The following PTPRN2 variants were observed in gnomAD, a reference collection of about 807,000 sequenced individuals.
PTPRN2 encodes receptor-type tyrosine-protein phosphatase N2.
PTPRN2 carries 74 observed loss-of-function variants against 118.8 expected under a neutral mutation model. The observed-to-expected ratio is 0.62, with a 90% CI of 0.52 to 0.76. PTPRN2 has a LOEUF of 0.76. Among genes scored for constraint, PTPRN2 ranks in the 30% least tolerant of loss-of-function variants. PTPRN2 has a pLI of 0.00. For missense variants in PTPRN2, 1,481 were observed against 1,394.4 expected (o/e 1.06, Z -0.99); for synonymous variants, 641 against 608.0 (o/e 1.05, Z -0.80).
At chr7:158,410,378 G>C (rs1386566580) in intron 2 of PTPRN2, among the ~76,000 whole-genome samples, 1 of 152,180 alleles carries the variant, frequency 6.6e-6, no homozygotes. Context: ...TCATCCCCGA[G>C]TACCCAGGTG....
intron 2 of PTPRN2, among the ~76,000 whole-genome samples, chr7:158,409,363 A>G (rs1213785962): frequency 4.6e-5 from 7 of 152,198 alleles, no homozygotes; most frequent in Non-Finnish European, 1.0e-4. Flanking sequence ...GGCAGTCCTC[A>G]GCTTAGGAGA....
chr7:157,656,051 C>T (rs1301117090), intron 14 of PTPRN2, among the ~76,000 whole-genome samples: 1 of 65,092 alleles, frequency 1.5e-5, no homozygotes, highest in Non-Finnish European at 3.9e-5. Flanking sequence ...TAGGCACTAA[C>T]AGACGTGTAT....
In PTPRN2 at chr7:157,611,738, G is replaced by A. The variant is rs1462523275; in HGVS notation, c.2345-7663C>T. 8.6e-5 allele frequency among the ~76,000 whole-genome samples: 13 copies of A among 150,688 alleles called. No homozygotes were observed. The South Asian group carries it at 1.1e-3, about 12-fold the overall frequency. ...AGCCGCGGTCATGCTGGGGACACGC[G>A]GAGGGAGCGCGCCCGTGTGAAGACG... On this transcript the variant is annotated intron_variant, in intron 15 of 22. Transcript: ENST00000389418. The surrounding 1 kb of genome is among the most constrained non-coding windows in gnomAD (Gnocchi z 5.9).
intron 2 of PTPRN2, among the ~76,000 whole-genome samples, chr7:158,429,299 C>T (rs955245678): frequency 9.8e-5 from 15 of 152,326 alleles, no homozygotes; most frequent in African/African-American, 3.1e-4. Context: ...TCCAGCAGAT[C>T]CACAGCCGGC....
chr7:158,548,246 T>C (rs1826426740), intron 1 of PTPRN2, among the ~76,000 whole-genome samples: 1 of 152,082 alleles, frequency 6.6e-6, no homozygotes, highest in Admixed American at 6.5e-5. Context: ...TGAAGAGGAG[T>C]GTGTGCAAAC....
intron 1 of PTPRN2, among the ~76,000 whole-genome samples, chr7:158,506,027 C>A (rs191486288): frequency 1.3e-5 from 2 of 152,332 alleles, no homozygotes; most frequent in African/African-American, 2.4e-5. Context: ...CTCAGGGCTG[C>A]AGAGGGTGAG....
At chr7:158,159,650 C>T (rs528368109) in intron 6 of PTPRN2, among the ~76,000 whole-genome samples, 139 of 140,868 alleles carry the variant, frequency 9.9e-4, no homozygotes, top group Non-Finnish European at 6.6e-4. Flanking sequence ...ACAGTGGACA[C>T]CCCACACATT....
intron 11 of PTPRN2, among the ~76,000 whole-genome samples, chr7:157,906,963 C>G (rs1188930862): frequency 6.6e-6 from 1 of 152,206 alleles, no homozygotes; most frequent in Non-Finnish European, 1.5e-5. Flanking sequence ...GTCTTCATTT[C>G]AGAACCAAAG....
At chr7:158,158,165 G>A (rs1334084390) in intron 6 of PTPRN2, among the ~76,000 whole-genome samples, 2 of 152,186 alleles carry the variant, frequency 1.3e-5, no homozygotes, top group Admixed American at 6.5e-5. Flanking sequence ...AAGGCAGCAG[G>A]TGCTTCCTTT....
chr7:157,670,632 C>T (rs1474349923), intron 13 of PTPRN2, among the ~76,000 whole-genome samples: 1 of 152,200 alleles, frequency 6.6e-6, no homozygotes, highest in Non-Finnish European at 1.5e-5. Context: ...TCCAGCCAGA[C>T]TGCCGTTGGT....
Position 157,603,555 on chromosome 7 carries a change from A to G in PTPRN2, c.2418+447T>C, listed in dbSNP as rs573345984. On this transcript the variant is annotated intron_variant, in intron 16 of 22. Transcript: ENST00000389418. This position sits in a 1 kb window ranked among gnomAD's most constrained non-coding sequence, Gnocchi z 5.4. The stretch of plus-strand genomic sequence containing the variant: ...AAACAGGGTCCCATTCACTGGAAAT[A>G]CTTCAGGAAAACGAACCTGAAATTC... 8.5e-5 allele frequency among the ~76,000 whole-genome samples: 13 copies of G among 152,344 alleles called. 1 individual carries two copies. The South Asian group carries it at 2.7e-3, about 32-fold the overall frequency.
intron 12 of PTPRN2, among the ~76,000 whole-genome samples, chr7:157,730,843 C>T (rs970457412): frequency 6.6e-6 from 1 of 152,172 alleles, no homozygotes; most frequent in Non-Finnish European, 1.5e-5. Context: ...AGGGCTCTGA[C>T]CTCGGCGTGG....
At chr7:158,136,767 G>A (rs1273627670) in intron 7 of PTPRN2, 72 bp from the exon 8 acceptor site, 3 of 1,481,516 alleles carry the variant, frequency 2.0e-6, no homozygotes, top group South Asian at 2.3e-5. Context: ...ACATAAAAAG[G>A]GTGACCCTGC....
intron 3 of PTPRN2, among the ~76,000 whole-genome samples, chr7:158,257,751 G>A (rs2150913929): frequency 6.6e-6 from 1 of 152,366 alleles, no homozygotes; most frequent in Admixed American, 6.5e-5. Flanking sequence ...CAGCCCCACG[G>A]CGCTGACCTG....
chr7:157,828,369 C>T (rs528863447), intron 12 of PTPRN2, among the ~76,000 whole-genome samples: 6 of 152,318 alleles, frequency 3.9e-5, no homozygotes, highest in East Asian at 3.9e-4. Flanking sequence ...AGCCCATGGA[C>T]GGAACAGCGA....
At chr7:157,654,404 T>A (rs1417282422) in intron 14 of PTPRN2, among the ~76,000 whole-genome samples, 1 of 152,132 alleles carries the variant, frequency 6.6e-6, no homozygotes, top group East Asian at 1.9e-4. Context: ...TCAGTAACAT[T>A]CATTTTCAAA....
rs558030719 is a variant in PTPRN2 at position 157,861,070 on chromosome 7, G to A, written c.1788+37603C>T. ...CTTCTCTTTCTTGTGGGGGTTGGAA[G>A]AGGAACCCCACGGCACAGCGGACAC... On this transcript the variant is annotated intron_variant, in intron 12 of 22. Coordinates refer to ENST00000389418, the MANE Select transcript of PTPRN2 (RefSeq NM_002847.5). This position sits in a 1 kb window ranked among gnomAD's most constrained non-coding sequence, Gnocchi z 5.8. Among the ~76,000 whole-genome samples, 1 of 152,320 alleles carries A rather than the reference G, an allele frequency of 6.6e-6. No individual in the cohort carries two copies. The highest frequency in any genetic ancestry group is 1.9e-4 in the East Asian group (1 of 5,168).
At chr7:157,698,044 C>G (rs1342521946) in intron 12 of PTPRN2, among the ~76,000 whole-genome samples, 3 of 152,066 alleles carry the variant, frequency 2.0e-5, no homozygotes, top group Non-Finnish European at 2.9e-5. Context: ...ATACTGGAAG[C>G]AGAGTTTATC....
At chr7:158,465,241 C>A (rs967915193) in intron 2 of PTPRN2, among the ~76,000 whole-genome samples, 4 of 152,338 alleles carry the variant, frequency 2.6e-5, no homozygotes, top group Admixed American at 1.3e-4. Flanking sequence ...CCAGTCCTAT[C>A]AAGATCCATC....
Sources: allele counts gnomAD v4.1 joint callset (sites outside exome capture counted in the v4.1 genomes callset), GRCh38; gene constraint gnomAD v4.1.1; non-coding constraint Gnocchi (gnomAD v3.1); transcripts MANE v1.5; gene names NCBI Gene and HGNC (gene_info 2026-07-23, HGNC 2026-07-21).